The following DUSP10 variants were observed in gnomAD, a reference collection of about 807,000 sequenced individuals.
The protein encoded by DUSP10 is dual specificity phosphatase 10.
A neutral mutation model predicts 30.8 loss-of-function variants in DUSP10; 14 were observed. The observed-to-expected ratio is 0.46, with a 90% CI of 0.30 to 0.71. DUSP10 has a LOEUF of 0.71. Ranked by LOEUF, DUSP10 falls within the 30% of genes least tolerant of loss-of-function variation. The probability of loss-of-function intolerance (pLI) is 0.08; values close to 1 mark genes in which losing one functional copy is unlikely to be tolerated. For synonymous variants in DUSP10, 254 were observed against 250.4 expected, an observed-to-expected ratio of 1.01 and a Z score of -0.14; for missense variants, 550 against 619.4, an observed-to-expected ratio of 0.89 and a Z score of 1.19.
intron 2 of DUSP10, among the ~76,000 whole-genome samples, chr1:221,724,268 A>G (rs1344533977): frequency 6.6e-6 from 1 of 152,220 alleles, no homozygotes; most frequent in Non-Finnish European, 1.5e-5. Context: ...AAGTGGGGAT[A>G]ATAATACTGT....
chr1:221,724,428 TATC>T (rs1461777328), intron 2 of DUSP10, among the ~76,000 whole-genome samples: 3 of 152,170 alleles, frequency 2.0e-5, no homozygotes, highest in African/African-American at 4.8e-5. Context: ...CATGTGCAAA[TATC>T]ATTTCAAGAG....
At chr1:221,725,430 C>T (rs1325959836) in intron 2 of DUSP10, among the ~76,000 whole-genome samples, 3 of 152,186 alleles carry the variant, frequency 2.0e-5, no homozygotes, top group African/African-American at 7.2e-5. Context: ...ATAACCACAG[C>T]ATTCCTCCAG....
At chr1:221,703,030 G>A (rs1020055325) in intron 3 of DUSP10, among the ~76,000 whole-genome samples, 4 of 151,998 alleles carry the variant, frequency 2.6e-5, no homozygotes, top group South Asian at 4.1e-4. Context: ...TGATCAAGTC[G>A]ACTCTAACAG....
chr1:221,713,525 A>T (rs1477957821), intron 2 of DUSP10, among the ~76,000 whole-genome samples: 1 of 152,202 alleles, frequency 6.6e-6, no homozygotes, highest in Non-Finnish European at 1.5e-5. Flanking sequence ...GTTATCACAC[A>T]CACAACTTTT....
chr1:221,715,379 C>T (rs1661067094), intron 2 of DUSP10, among the ~76,000 whole-genome samples: 1 of 152,196 alleles, frequency 6.6e-6, no homozygotes, highest in African/African-American at 2.4e-5. Context: ...TGCCTCAGGG[C>T]AGAATTGGTA....
In DUSP10 at chr1:221,726,558, C is replaced by T. The variant is rs76330940; in HGVS notation, c.811+12376G>A. On this transcript the variant is annotated intron_variant, in intron 2 of 3. Transcript: ENST00000366899. ...AAAAATGAAACTAGGCCAGTCAGGG[C>T]GGGATTAGTAATATTATGTTTTTCT... 1.9e-3 allele frequency among the ~76,000 whole-genome samples: 292 copies of T among 152,038 alleles called. 1 individual carries two copies. Among genetic ancestry groups the T allele is most frequent in the East Asian group, 7.0e-3 (36 of 5,178 alleles).
At position 221,706,519 on chromosome 1, in the gene DUSP10, G is replaced by C; in HGVS notation, c.812-53C>G. On this transcript the variant is annotated intron_variant, in intron 2 of 3. Transcript: ENST00000366899. The surrounding 1 kb of genome is among the most constrained non-coding windows in gnomAD (Gnocchi z 4.6). ...TGACTGAGATTTCAGAGCTGGCAGA[G>C]AATGCCACCTCCCCATTAGAATGAG... 7.3e-7 allele frequency: 1 copy of C among 1,373,700 alleles called. No homozygotes were observed. The highest frequency in any genetic ancestry group is 9.6e-7 in the Non-Finnish European group (1 of 1,045,562). The allele number at this position is 1,373,700 out of a possible 1,614,324, so 85.1% of individuals were successfully genotyped here.
chr1:221,728,544 A>T (rs1175470259), intron 2 of DUSP10, among the ~76,000 whole-genome samples: 1 of 152,240 alleles, frequency 6.6e-6, no homozygotes, highest in Non-Finnish European at 1.5e-5. Context: ...AAAGGAGAGG[A>T]GAGAAACTAA....
At chr1:221,709,307 TG>T (rs371170955) in intron 2 of DUSP10, among the ~76,000 whole-genome samples, 69 of 148,664 alleles carry the variant, frequency 4.6e-4, no homozygotes, top group African/African-American at 1.6e-3. Flanking sequence ...ATTTGCCTAA[TG>T]GGGGGAAAAA....
At chr1:221,724,935 C>T (rs1174901948) in intron 2 of DUSP10, among the ~76,000 whole-genome samples, 2 of 152,104 alleles carry the variant, frequency 1.3e-5, no homozygotes, top group Admixed American at 6.6e-5. Context: ...TCCCAGTGCA[C>T]GTTTTAATAT....
At chr1:221,712,510 T>G (rs1660969800) in intron 2 of DUSP10, among the ~76,000 whole-genome samples, 1 of 152,080 alleles carries the variant, frequency 6.6e-6, no homozygotes, top group African/African-American at 2.4e-5. Flanking sequence ...TGAAAAGACA[T>G]AAACAAGGAA....
intron 2 of DUSP10, among the ~76,000 whole-genome samples, chr1:221,712,777 C>CAAA (rs58249338): frequency 0.013 from 710 of 56,670 alleles, 70 homozygotes; most frequent in African/African-American, 0.037. Flanking sequence ...TATAAAGCAG[C>CAAA]AAAAAAAAAA....
chr1:221,719,586 G>A (rs912561497), intron 2 of DUSP10, among the ~76,000 whole-genome samples: 5 of 152,168 alleles, frequency 3.3e-5, no homozygotes, highest in Non-Finnish European at 7.3e-5. Flanking sequence ...ATTACATATT[G>A]TCAACATGGA....
rs143436731 is a variant in DUSP10 at position 221,739,151 on chromosome 1, A to T, written c.594T>A (p.Asp198Glu). 1 of 1,614,116 alleles carries T rather than the reference A, an allele frequency of 6.2e-7. No homozygotes were observed. The highest frequency in any genetic ancestry group is 1.3e-5 in the African/African-American group (1 of 74,942). Reference sequence around the variant, plus strand: ...GCTGCAGTCTCCGCCGGCTGATCTTATCGGCACAGTTAATGTGGACAGCTC... The same window carrying T: ...GCTGCAGTCTCCGCCGGCTGATCTTTTCGGCACAGTTAATGTGGACAGCTC... ...IQGAVHINCA[D>E]KISRRRLQQG... The change falls in exon 2 of 4, where the codon GAT becomes GAA. Residue 198 changes from aspartate (D) to glutamate (E), a missense_variant. Physicochemically the swap from Asp to Glu is conservative, Grantham distance 45. Transcript: ENST00000366899.
rs12036163 is a variant in DUSP10, at chr1:221,723,763, A to G, written c.811+15171T>C. On this transcript the variant is annotated intron_variant, in intron 2 of 3. Transcript: ENST00000366899. The stretch of plus-strand genomic sequence containing the variant: ...TTCTAGGCCCTCTCCTTGTGCAATC[A>G]GGACACATTGCCCTGCTGACACAGC... Among the ~76,000 whole-genome samples, 1,314 of 152,356 alleles carry G rather than the reference A, an allele frequency of 8.6e-3. 45 individuals carry two copies. The highest frequency in any genetic ancestry group is 0.061 in the East Asian group (318 of 5,186).
At chr1:221,716,370 GT>G (rs1661107942) in intron 2 of DUSP10, among the ~76,000 whole-genome samples, 1 of 152,180 alleles carries the variant, frequency 6.6e-6, no homozygotes, top group Non-Finnish European at 1.5e-5. Context: ...TGTGGGCATA[GT>G]TGACTTCAAG....
chr1:221,712,709 A>G (rs1056649296), intron 2 of DUSP10, among the ~76,000 whole-genome samples: 2 of 147,440 alleles, frequency 1.4e-5, no homozygotes, highest in East Asian at 4.0e-4. Flanking sequence ...TGTGAAGGAG[A>G]CACAGTTATC....
intron 2 of DUSP10, among the ~76,000 whole-genome samples, chr1:221,734,695 A>G (rs1661710345): frequency 6.6e-6 from 1 of 152,152 alleles, no homozygotes; most frequent in African/African-American, 2.4e-5. Flanking sequence ...GAGGGGAGCC[A>G]AGGCTAGCAT....
chr1:221,705,978 A>G (rs2102613476), intron 3 of DUSP10, 117 bp downstream of exon 3: 1 of 1,438,792 alleles, frequency 7.0e-7, no homozygotes, highest in African/African-American at 1.4e-5. Context: ...AGCCCTCCAA[A>G]ACTCCAGGGC....
Sources: allele counts gnomAD v4.1 joint callset (sites outside exome capture counted in the v4.1 genomes callset), GRCh38; gene constraint gnomAD v4.1.1; non-coding constraint Gnocchi (gnomAD v3.1); transcripts MANE v1.5; gene names NCBI Gene and HGNC (gene_info 2026-07-23, HGNC 2026-07-21).